The following IQCE variants were observed in gnomAD, a reference collection of about 807,000 sequenced individuals.
IQCE encodes the protein IQ motif containing E, also known as IQ domain-containing protein E.
Under a neutral mutation model 96.0 loss-of-function variants are expected in IQCE, and 115 were observed. That is an observed-to-expected ratio of 1.20 (90% CI 1.03 to 1.40). IQCE has a LOEUF of 1.40. IQCE is among the 40% of genes most tolerant of loss of function. The pLI is 0.00. For missense variants in IQCE, 1,041 were observed against 909.1 expected (o/e 1.15, Z -1.87); for synonymous variants, 412 against 371.2 (o/e 1.11, Z -1.26).
At chr7:2,591,079 C>G (rs1025528021) in intron 14 of IQCE, among the ~76,000 whole-genome samples, 4 of 152,088 alleles carry the variant, frequency 2.6e-5, no homozygotes, top group African/African-American at 7.2e-5. Flanking sequence ...ATGGTGAAAC[C>G]TCGTCCCTAC....
At chr7:2,563,375 T>TTGTGTGTGTGTGTGTGTGTG (rs143397539) in intron 1 of IQCE, among the ~76,000 whole-genome samples, 3 of 135,806 alleles carry the variant, frequency 2.2e-5, no homozygotes, top group Admixed American at 7.3e-5. Context: ...TAATTTTTTG[T>TTGTGTGTGTGTGTGTGTGTG]TGTGTGTGTG....
intron 6 of IQCE, among the ~76,000 whole-genome samples, chr7:2,577,512 G>A (rs542793472): frequency 5.4e-4 from 77 of 141,802 alleles, no homozygotes; most frequent in Non-Finnish European, 8.7e-4. Flanking sequence ...CTGTGTGTGC[G>A]GGGACGTGTG....
In IQCE at chr7:2,605,910, C is replaced by T. The variant is rs1196613352; in HGVS notation, c.1778C>T (p.Ala593Val). The change falls in exon 20 of 22, where the codon GCC (alanine) becomes GTC (valine). Residue 593 changes from alanine (A) to valine (V), a missense_variant. Physicochemically the swap from Ala to Val is moderately conservative, Grantham distance 64. Transcript: ENST00000402050. ...GTGCCCCGCGTTCCGAGCCCCATCGCCCAGGCCACGGGCAGCCCTGTGCAG... is the reference window on the plus strand; with the variant it reads ...GTGCCCCGCGTTCCGAGCCCCATCGTCCAGGCCACGGGCAGCCCTGTGCAG... ...SPVPRVPSPI[A>V]QATGSPVQEE... 2 of 1,608,242 alleles carry T rather than the reference C, an allele frequency of 1.2e-6. No individual in the cohort carries two copies. Among genetic ancestry groups the T allele is most frequent in the Non-Finnish European group, 8.5e-7 (1 of 1,178,086 alleles).
intron 1 of IQCE, among the ~76,000 whole-genome samples, chr7:2,563,385 G>GTGTGTA (rs1478906055): frequency 4.6e-5 from 7 of 151,100 alleles, no homozygotes; most frequent in East Asian, 2.0e-4. Context: ...TTGTGTGTGT[G>GTGTGTA]TGTGTGTGTG....
intron 18 of IQCE, chr7:2,601,683 G>A: frequency 2.0e-6 from 1 of 499,794 alleles, no homozygotes; most frequent in East Asian, 3.8e-5. Context: ...CCTAGTAGCT[G>A]GGATTACAGG....
intron 14 of IQCE, 27 bp downstream of exon 14, chr7:2,590,133 G>A: frequency 6.3e-7 from 1 of 1,593,692 alleles, no homozygotes; most frequent in Non-Finnish European, 8.6e-7. Flanking sequence ...CCCCGCCAGT[G>A]TCCCCACGGG....
At position 2,598,286 on chromosome 7, in the gene IQCE, A is replaced by G. The variant is rs1784196232; in HGVS notation, c.1441-179A>G. 4 of 574,064 alleles carry G rather than the reference A, an allele frequency of 7.0e-6. No homozygotes were observed. The South Asian group carries it at 1.2e-4, about 17-fold the overall frequency. 35.6% of individuals were successfully genotyped at this position (574,064 alleles called of 1,614,324 possible). ...CGCCTAGACGCTGTCTCTCAGCAGTACAAGAGACCGCTGTCATGTGGTCTG... is the reference window on the plus strand; with the variant it reads ...CGCCTAGACGCTGTCTCTCAGCAGTGCAAGAGACCGCTGTCATGTGGTCTG... On this transcript the variant is annotated intron_variant, in intron 16 of 21. Transcript: ENST00000402050.
At chr7:2,560,546 G>A (rs931186204) in intron 1 of IQCE, among the ~76,000 whole-genome samples, 1 of 152,074 alleles carries the variant, frequency 6.6e-6, no homozygotes, top group Non-Finnish European at 1.5e-5. Context: ...TCATCTGGAG[G>A]GCCTGCCTGT....
At chr7:2,604,758 C>G in intron 18 of IQCE, 123 bp from the exon 19 acceptor site, 1 of 668,918 alleles carries the variant, frequency 1.5e-6, no homozygotes, top group Non-Finnish European at 2.7e-6. Flanking sequence ...CGTGGCTGCA[C>G]AGCAGTGAAG....
chr7:2,579,171 A>G (rs1215908324), intron 8 of IQCE, among the ~76,000 whole-genome samples: 1 of 152,154 alleles, frequency 6.6e-6, no homozygotes, highest in Non-Finnish European at 1.5e-5. Flanking sequence ...AAATGGAAGC[A>G]GGGAAGATGT....
At chr7:2,571,486 G>C in intron 3 of IQCE, 40 bp from the exon 4 acceptor site, 1 of 1,603,162 alleles carries the variant, frequency 6.2e-7, no homozygotes, top group Non-Finnish European at 8.5e-7. Context: ...CTCACATGTT[G>C]CTGTCCGGCA....
chr7:2,606,128 C>G, intron 20 of IQCE, 131 bp downstream of exon 20: 1 of 1,169,970 alleles, frequency 8.5e-7, no homozygotes, highest in Non-Finnish European at 1.1e-6. Context: ...CCAGCGGGAC[C>G]TCGGTTTGGA....
At chr7:2,606,980 C>T (rs1784879453) in intron 20 of IQCE, 144 bp from the exon 21 acceptor site, 1 of 706,046 alleles carries the variant, frequency 1.4e-6, no homozygotes, top group Admixed American at 3.3e-5. Context: ...GGGTACAGCG[C>T]TGGTCGTGGG....
At chr7:2,577,507 T>G (rs59799973) in intron 6 of IQCE, among the ~76,000 whole-genome samples, 1 of 86,434 alleles carries the variant, frequency 1.2e-5, no homozygotes, top group Admixed American at 1.2e-4. Context: ...CGTGGCTGTG[T>G]GTGCGGGGAC....
In IQCE at chr7:2,593,071, C is replaced by T; in HGVS notation, c.1294C>T (p.Leu432=). 6.2e-7 allele frequency: 1 copy of T among 1,612,470 alleles called. No homozygotes were observed. The highest frequency in any genetic ancestry group is 8.5e-7 in the Non-Finnish European group (1 of 1,178,714). Residue 432 remains leucine, a synonymous_variant, in exon 15 of 22, where the codon CTG becomes TTG. Transcript: ENST00000402050. ...LQAKADLEKE[L]ECAREGEEER... ...GGCGAAGGCCGACCTGGAGAAGGAG[C>T]TGGAGTGCGCGAGGGAGGGCGAGGA... is the stretch of plus-strand genomic sequence containing the variant.
chr7:2,568,469 T>C (rs113716688), intron 2 of IQCE, among the ~76,000 whole-genome samples: 3,335 of 152,198 alleles, frequency 0.022, 51 homozygotes, highest in Non-Finnish European at 0.032. Context: ...CTGGACCCCA[T>C]TGGGTGTTTG....
chr7:2,586,484 C>T, intron 12 of IQCE, 113 bp downstream of exon 12: 1 of 1,199,710 alleles, frequency 8.3e-7, no homozygotes, highest in Non-Finnish European at 1.2e-6. Flanking sequence ...CAGATGTGAA[C>T]CCTTGGGCAA....
intron 6 of IQCE, among the ~76,000 whole-genome samples, chr7:2,577,320 T>C (rs1305541925): frequency 6.6e-6 from 1 of 151,076 alleles, no homozygotes; most frequent in Non-Finnish European, 1.5e-5. Context: ...GGGATGTGTG[T>C]GCGGCGTATA....
intron 18 of IQCE, chr7:2,601,677 G>A: frequency 3.9e-6 from 2 of 514,884 alleles, no homozygotes; most frequent in Non-Finnish European, 7.0e-6. Context: ...AGCCTCCCTA[G>A]TAGCTGGGAT....
Sources: gnomAD v4.1 joint callset for allele counts (sites outside exome capture counted in the v4.1 genomes callset) on GRCh38, gnomAD v4.1.1 for gene constraint, MANE v1.5 for transcripts, NCBI Gene and HGNC (gene_info 2026-07-23, HGNC 2026-07-21) for gene names.